The following SYNE1 variants were observed in gnomAD, a reference collection of about 807,000 sequenced individuals.
The protein encoded by SYNE1 is spectrin repeat containing nuclear envelope protein 1.
Under a neutral mutation model 1,111.0 loss-of-function variants are expected in SYNE1, and 616 were observed. That is an observed-to-expected ratio of 0.55 (90% confidence interval 0.52 to 0.59). SYNE1 has a LOEUF of 0.59. SYNE1 is among the 20% of genes least tolerant of loss of function. The pLI, the probability that SYNE1 is intolerant of heterozygous loss-of-function variation, is 0.00. For synonymous variants in SYNE1, 3,855 were observed against 3,825.8 expected, an observed-to-expected ratio of 1.01 and a Z score of -0.28; for missense variants, 10,006 against 10,417.0, an observed-to-expected ratio of 0.96 and a Z score of 1.72.
chr6:152,133,460 T>A lies in SYNE1; in HGVS notation c.25817A>T (p.Gln8606Leu). ...GTCTTGCAAAGAGGCTACTCTGAGT[T>A]GGGATTCCAACAGCTCATGCTTTAT... The part of the protein sequence containing the change: ...MQIKHELLES[Q>L]LRVASLQDMS... The change falls in exon 143 of 146, where the codon CAA (glutamine) becomes CTA (leucine). Residue 8606 changes from glutamine to leucine, a missense_variant. By Grantham distance (113) the Gln-to-Leu change is moderately radical. Coordinates refer to ENST00000367255, the MANE Select transcript of SYNE1 (RefSeq NM_182961.4). 6.2e-7 allele frequency: 1 copy of A among 1,614,236 alleles called. No individual in the cohort carries two copies. Among genetic ancestry groups the A allele is most frequent in the Non-Finnish European group, 8.5e-7 (1 of 1,180,038 alleles).
chr6:152,389,158 A>G (rs1287982227), intron 53 of SYNE1, among the ~76,000 whole-genome samples: 1 of 152,156 alleles, frequency 6.6e-6, no homozygotes, highest in African/African-American at 2.4e-5. Flanking sequence ...CTGTAGTGTT[A>G]TTTTTGTTTT....
At chr6:152,507,563 T>C (rs1436421718) in intron 8 of SYNE1, among the ~76,000 whole-genome samples, 6 of 152,146 alleles carry the variant, frequency 3.9e-5, no homozygotes, top group Non-Finnish European at 7.4e-5. Context: ...AAACCTCTTA[T>C]TTGAGAATTT....
At position 152,430,482 on chromosome 6, in the gene SYNE1, C is replaced by T. The variant is rs904987209; in HGVS notation, c.4689G>A (p.Lys1563=). Residue 1563 remains lysine (K), a splice_region_variant and synonymous_variant, in exon 35 of 146, where the codon AAG becomes AAA. Transcript: ENST00000367255. ...QQQKFEENLR[K]IQQSVSEFED... Reference sequence around the variant, plus strand: ...TAAGTATAGGTGGATCAATTCTTACCTTTCTAAGGTTCTCTTCAAACTTTT... The same window carrying T: ...TAAGTATAGGTGGATCAATTCTTACTTTTCTAAGGTTCTCTTCAAACTTTT... 3.1e-6 allele frequency: 5 copies of T among 1,613,388 alleles called. No homozygotes were observed. Among genetic ancestry groups the T allele is most frequent in the Non-Finnish European group, 4.2e-6 (5 of 1,179,446 alleles).
chr6:152,290,982 T>C (rs1218133659), intron 95 of SYNE1, among the ~76,000 whole-genome samples: 3 of 151,386 alleles, frequency 2.0e-5, no homozygotes, highest in Non-Finnish European at 4.4e-5. Context: ...TATGTGATGA[T>C]ACATGAAATT....
At chr6:152,587,528 C>T (rs906320189) in intron 3 of SYNE1, among the ~76,000 whole-genome samples, 2 of 152,108 alleles carry the variant, frequency 1.3e-5, no homozygotes, top group African/African-American at 4.8e-5. Flanking sequence ...CAAAGGATGC[C>T]TGTAGAATAA....
intron 111 of SYNE1, among the ~76,000 whole-genome samples, 175 bp downstream of exon 111, chr6:152,234,493 C>T (rs987583353): frequency 3.3e-5 from 5 of 152,078 alleles, no homozygotes; most frequent in Non-Finnish European, 5.9e-5. Flanking sequence ...CAGGGTTTCA[C>T]CATGTTGGTC....
chr6:152,251,935 C>A (rs1209396912), intron 104 of SYNE1, among the ~76,000 whole-genome samples: 1 of 151,810 alleles, frequency 6.6e-6, no homozygotes, highest in African/African-American at 2.4e-5. Context: ...GAGCAGGATT[C>A]TAGCCATTGA....
chr6:152,159,801 C>T (rs907898289), intron 131 of SYNE1, among the ~76,000 whole-genome samples: 1 of 152,122 alleles, frequency 6.6e-6, no homozygotes, highest in African/African-American at 2.4e-5. Flanking sequence ...TATATAACTT[C>T]TCTATTTCTA....
chr6:152,572,173 CATAAT>C (rs1490876680), intron 3 of SYNE1, among the ~76,000 whole-genome samples: 1 of 152,144 alleles, frequency 6.6e-6, no homozygotes, highest in Non-Finnish European at 1.5e-5. Flanking sequence ...ATTGTCATTG[CATAAT>C]ATAATACTTA....
In SYNE1 at chr6:152,455,469, A is replaced by C; in HGVS notation, c.2849T>G (p.Leu950Arg). 6.2e-7 allele frequency: 1 copy of C among 1,614,092 alleles called. No individual in the cohort carries two copies. Residue 950 changes from leucine (L) to arginine (R), a missense_variant, in exon 24 of 146, where the codon CTG becomes CGG. Coordinates refer to ENST00000367255, the MANE Select transcript of SYNE1 (RefSeq NM_182961.4). ...EKVLRIAQEG[L>R]EEKGDPEELL... The stretch of plus-strand genomic sequence containing the variant: ...CTCCTCTGGATCCCCCTTTTCCTCC[A>C]GGCCCTCCTGAGCAATCCGCAGTAC...
At chr6:152,533,819 T>C (rs1251024569) in intron 4 of SYNE1, among the ~76,000 whole-genome samples, 3 of 152,188 alleles carry the variant, frequency 2.0e-5, no homozygotes, top group Admixed American at 2.0e-4. Context: ...CTCTAGCTTA[T>C]TAAACAGCAT....
chr6:152,451,287 A>C lies in SYNE1; in HGVS notation c.3028-82T>G, dbSNP rs543112029. ...CCCAATTGAAGTGGCAAAAAAAAAA[A>C]CAAAAACCATAACATATTCCTTTTA... On this transcript the variant is annotated intron_variant, in intron 25 of 145. Coordinates refer to ENST00000367255, the MANE Select transcript of SYNE1 (RefSeq NM_182961.4). 8.7e-5 allele frequency: 105 copies of C among 1,209,912 alleles called. No homozygotes were observed. The East Asian group carries it at 1.1e-3, about 13-fold the overall frequency. 74.9% of individuals were successfully genotyped at this position (1,209,912 alleles called of 1,614,324 possible). A position where few individuals can be genotyped will look rare whatever the true frequency, so the allele number is the denominator to read the frequency against.
intron 123 of SYNE1, 135 bp downstream of exon 123, chr6:152,213,477 A>G: frequency 9.9e-7 from 1 of 1,010,724 alleles, no homozygotes; most frequent in South Asian, 1.3e-5. Context: ...AAGCTTAAGA[A>G]AGAAGGCAAA....
chr6:152,159,012 C>T (rs2061903900), intron 131 of SYNE1, among the ~76,000 whole-genome samples: 1 of 152,120 alleles, frequency 6.6e-6, no homozygotes, highest in South Asian at 2.1e-4. Context: ...AGTGCAGTGG[C>T]ACAATCTCGG....
At chr6:152,532,481 A>G (rs2154360028) in intron 4 of SYNE1, among the ~76,000 whole-genome samples, 1 of 152,364 alleles carries the variant, frequency 6.6e-6, no homozygotes, top group South Asian at 2.1e-4. Context: ...AGTGATACCA[A>G]TAAAACTGAA....
intron 44 of SYNE1, 105 bp from the exon 45 acceptor site, chr6:152,407,301 G>A (rs1052623585): frequency 5.2e-5 from 59 of 1,126,986 alleles, no homozygotes; most frequent in Admixed American, 1.2e-4. Context: ...ATATTCTGAC[G>A]GACAAACAGT....
At chr6:152,394,074 G>A (rs943548439) in intron 51 of SYNE1, among the ~76,000 whole-genome samples, 3 of 152,166 alleles carry the variant, frequency 2.0e-5, no homozygotes, top group African/African-American at 7.2e-5. Context: ...AGAACATGCG[G>A]TGTTTGGTTT....
At chr6:152,270,112 A>C (rs188412525) in intron 98 of SYNE1, among the ~76,000 whole-genome samples, 1 of 152,236 alleles carries the variant, frequency 6.6e-6, no homozygotes, top group Non-Finnish European at 1.5e-5. Flanking sequence ...TGTCTACCCT[A>C]CTAGGGCGAT....
chr6:152,499,335 G>A (rs1183665972), intron 10 of SYNE1, among the ~76,000 whole-genome samples: 1 of 151,750 alleles, frequency 6.6e-6, no homozygotes, highest in Non-Finnish European at 1.5e-5. Flanking sequence ...ATATCTTAAG[G>A]GGAAAAGTTC....
Sources: allele counts gnomAD v4.1 joint callset (sites outside exome capture counted in the v4.1 genomes callset), GRCh38; gene constraint gnomAD v4.1.1; transcripts MANE v1.5; gene names NCBI Gene and HGNC (gene_info 2026-07-23, HGNC 2026-07-21).